ADAR: variants seen among roughly 807,000 people sequenced by gnomAD.
ADAR encodes double-stranded RNA-specific adenosine deaminase.
ADAR carries 41 observed loss-of-function variants against 113.2 expected under a neutral mutation model. That is an observed-to-expected ratio of 0.36 (90% CI 0.28 to 0.47). The LOEUF is 0.47. Among genes scored for constraint, ADAR ranks in the 20% least tolerant of loss-of-function variants. The probability of loss-of-function intolerance (pLI) is 1.00; values close to 1 mark genes in which losing one functional copy is unlikely to be tolerated. For missense variants in ADAR, 1,242 were observed against 1,540.9 expected (o/e 0.81, Z 3.25); for synonymous variants, 605 against 572.6 (o/e 1.06, Z -0.81).
upstream of ADAR, among the ~76,000 whole-genome samples, chr1:154,611,034 A>G (rs1404349828): frequency 2.0e-5 from 3 of 152,144 alleles, no homozygotes; most frequent in African/African-American, 7.2e-5. Context: ...ACAAATTTAA[A>G]AGGTAAAAAC....
chr1:154,598,539 C>T lies in ADAR; in HGVS notation c.1648G>A (p.Glu550Lys). 2 of 1,614,202 alleles carry T rather than the reference C, an allele frequency of 1.2e-6. No homozygotes were observed. Among genetic ancestry groups the T allele is most frequent in the Non-Finnish European group, 1.7e-6 (2 of 1,180,038 alleles). The change falls in exon 3 of 15, where the codon GAA (glutamate) becomes AAA (lysine). Residue 550 changes from glutamate to lysine, a missense_variant. Around this residue, in one of 2 missense-constraint regions of ADAR, gnomAD observed 780 missense variants for 1,057.9 expected, o/e 0.74. Transcript: ENST00000368474. ...VINGREFPPA[E>K]AGSKKVAKQD... ...TTGGCCACTTTCTTGCTTCCAGCTT[C>T]AGCTGGGGGAAACTCTCGGCCATTG...
chr1:154,598,654 C>T, intron 2 of ADAR, 69 bp from the exon 3 acceptor site: 2 of 1,547,426 alleles, frequency 1.3e-6, no homozygotes, highest in Non-Finnish European at 1.8e-6. Context: ...CCAAAGAGAC[C>T]TTCAACCTGG....
At chr1:154,622,404 T>C (rs1698812941) in intron 1 of ADAR, among the ~76,000 whole-genome samples, 1 of 152,184 alleles carries the variant, frequency 6.6e-6, no homozygotes, top group Non-Finnish European at 1.5e-5. Flanking sequence ...GAAAAAAGTT[T>C]TAAAGTTGAC....
intron 1 of ADAR, among the ~76,000 whole-genome samples, chr1:154,614,918 CTT>C: frequency 6.6e-6 from 1 of 152,270 alleles, no homozygotes; most frequent in African/African-American, 2.4e-5. Context: ...AAAAGTGTTT[CTT>C]TTAGTGTTGG....
chr1:154,597,210 G>A lies in ADAR; in HGVS notation c.1992C>T (p.Ser664=), dbSNP rs1697560915. ...AQTFPSVSAP[S]KKVAKQMAAE... is the part of the protein sequence containing the mutation. The stretch of plus-strand genomic sequence containing the variant: ...CGGCCATCTGCTTTGCCACTTTCTT[G>A]CTGGGAGCACTCACACTGGGGAAAG... The change falls in exon 5 of 15, where the codon AGC becomes AGT. Residue 664 remains serine (S), a synonymous_variant. Transcript: ENST00000368474. 2 of 1,613,970 alleles carry A rather than the reference G, an allele frequency of 1.2e-6. No individual in the cohort carries two copies. Among genetic ancestry groups the A allele is most frequent in the Non-Finnish European group, 1.7e-6 (2 of 1,180,016 alleles).
rs1698324146 is a variant in ADAR at position 154,608,108 on chromosome 1, C to A, written c.-102G>T. 7.1e-7 allele frequency: 1 copy of A among 1,414,192 alleles called. No individual in the cohort carries two copies. The highest frequency in any genetic ancestry group is 9.3e-7 in the Non-Finnish European group (1 of 1,077,456). 87.6% of individuals were successfully genotyped at this position (1,414,192 alleles called of 1,614,324 possible). ...TCGAGGCCCCCACGCCTCCGCTACT[C>A]CGCACTGGAAGTGGCCCCGGGGCGT... On this transcript the variant is annotated 5_prime_UTR_variant, in exon 1 of 15. Transcript: ENST00000368474.
chr1:154,585,500 A>T, intron 13 of ADAR, 156 bp from the exon 14 acceptor site: 1 of 1,041,844 alleles, frequency 9.6e-7, no homozygotes, highest in Non-Finnish European at 1.4e-6. Flanking sequence ...CACCCTCTAG[A>T]CATACTAACT....
At chr1:154,622,245 A>G (rs1698808994) in intron 1 of ADAR, among the ~76,000 whole-genome samples, 1 of 152,208 alleles carries the variant, frequency 6.6e-6, no homozygotes, top group Non-Finnish European at 1.5e-5. Context: ...GCAGTATGTT[A>G]TATTTACTAG....
rs1696565460 is a variant in ADAR, at chr1:154,583,871, T to C, written c.*935A>G. On this transcript the variant is annotated 3_prime_UTR_variant, in exon 15 of 15. Coordinates refer to ENST00000368474, the MANE Select transcript of ADAR (RefSeq NM_001111.5). ...ATGATTATCTGAGCAGAGATGATTT[T>C]ATACCCTCTAGGATTTGTCCCGTTG... 1 of 152,240 alleles carries C rather than the reference T, an allele frequency of 6.6e-6. No homozygotes were observed. The allele number at this position is 152,240 out of a possible 1,614,324, so 9.4% of individuals were successfully genotyped here.
intron 1 of ADAR, among the ~76,000 whole-genome samples, chr1:154,618,693 G>A (rs1698700734): frequency 6.6e-6 from 1 of 152,082 alleles, no homozygotes. Context: ...TTCAACAGAT[G>A]GAGCTGGGCC....
intron 1 of ADAR, among the ~76,000 whole-genome samples, chr1:154,618,391 T>C (rs536363300): frequency 6.6e-6 from 1 of 152,274 alleles, no homozygotes; most frequent in South Asian, 2.1e-4. Flanking sequence ...CTGCAAATAC[T>C]ATGAGGTTGG....
chr1:154,595,708 T>G (rs944906983), intron 6 of ADAR, among the ~76,000 whole-genome samples: 3 of 152,132 alleles, frequency 2.0e-5, no homozygotes, highest in African/African-American at 7.2e-5. Context: ...GGTTAATTTA[T>G]TAAAGAAAAA....
intron 1 of ADAR, among the ~76,000 whole-genome samples, chr1:154,606,853 T>G (rs1009666402): frequency 1.3e-5 from 2 of 151,966 alleles, no homozygotes; most frequent in East Asian, 3.9e-4. Flanking sequence ...ACCACACAGG[T>G]TCCACAGTGC....
chr1:154,622,747 A>G (rs1698826817), intron 1 of ADAR, among the ~76,000 whole-genome samples: 1 of 152,246 alleles, frequency 6.6e-6, no homozygotes, highest in African/African-American at 2.4e-5. Context: ...AAGTGTATCT[A>G]TCATGCAGAC....
In ADAR at chr1:154,606,275, G is replaced by A. The variant is rs1244174898; in HGVS notation, c.15+1717C>T. On this transcript the variant is annotated intron_variant, in intron 1 of 14. Coordinates refer to ENST00000368474, the MANE Select transcript of ADAR (RefSeq NM_001111.5). ...CAGGATGGTGTCGATCTCCTGATCC[G>A]CCCTCCTCGGCCTCCCAAAGTGCTG... Among the ~76,000 whole-genome samples, 5 of 152,110 alleles carry A rather than the reference G, an allele frequency of 3.3e-5. No homozygotes were observed. In the South Asian group the frequency reaches 6.2e-4, roughly 19 times the overall value.
In ADAR at chr1:154,582,758, AGAG is replaced by A. The variant is rs1263699743; in HGVS notation, c.*2045_*2047del. Reference sequence around the variant, plus strand: ...AGCAGGTGACAACCCTGTAGCCTGAAGAGGAGAGGGGCTGCGCTGCCTTCTGAT... The same window carrying A: ...AGCAGGTGACAACCCTGTAGCCTGAAGAGAGGGGCTGCGCTGCCTTCTGAT... On this transcript the variant is annotated 3_prime_UTR_variant, in exon 15 of 15. Coordinates refer to ENST00000368474, the MANE Select transcript of ADAR (RefSeq NM_001111.5). The A allele has an allele frequency of 6.6e-6, 1 of 152,294 alleles. No individual in the cohort carries two copies. Among genetic ancestry groups the A allele is most frequent in the Non-Finnish European group, 1.5e-5 (1 of 68,120 alleles). The allele number at this position is 152,294 out of a possible 1,614,324, so 9.4% of individuals were successfully genotyped here. A position where few individuals can be genotyped will look rare whatever the true frequency, so the allele number is the denominator to read the frequency against.
intron 7 of ADAR, 46 bp downstream of exon 7, chr1:154,590,138 A>AGGGGGGGGGGGGGGGGGGGG: frequency 1.7e-6 from 2 of 1,173,770 alleles, no homozygotes; most frequent in Admixed American, 1.8e-5. Context: ...AGGAGTTAGG[A>AGGGGGGGGGGGGGGGGGGGG]GGACCCCCCC....
chr1:154,597,269 T>C lies in ADAR; in HGVS notation c.1935-2A>G. On this transcript the variant is annotated splice_acceptor_variant, in intron 4 of 14. Coordinates refer to ENST00000368474, the MANE Select transcript of ADAR (RefSeq NM_001111.5). LOFTEE classifies it high-confidence loss of function. Reference sequence around the variant, plus strand: ...CCCACTGCAACACAGTATTGGAACCTGACAGGAGATGAAGCACGTAGAAGG... The same window carrying C: ...CCCACTGCAACACAGTATTGGAACCCGACAGGAGATGAAGCACGTAGAAGG... 6.2e-7 allele frequency: 1 copy of C among 1,614,178 alleles called. No individual in the cohort carries two copies.
Position 154,601,765 on chromosome 1 carries a change from A to C in ADAR, c.877T>G (p.Phe293Val). Residue 293 changes from phenylalanine (F) to valine (V), a missense_variant, in exon 2 of 15, where the codon TTT becomes GTT. Phe to Val is a conservative substitution (Grantham distance 50, BLOSUM62 -1). This residue lies in a region of ADAR where 462 missense variants were observed against 483.1 expected (regional missense o/e 0.96). Transcript: ENST00000368474. The surrounding 1 kb of genome is among the most constrained non-coding windows in gnomAD (Gnocchi z 4.7). Reference protein sequence around the residue: ...STSALEDPLEFLDMAEIKEKI... With the variant: ...STSALEDPLEVLDMAEIKEKI... ...TCCTTGATCTCGGCCATGTCTAAAAACTCAAGAGGATCTTCCAAGGCAGAT... is the reference window on the plus strand; with the variant it reads ...TCCTTGATCTCGGCCATGTCTAAAACCTCAAGAGGATCTTCCAAGGCAGAT... The C allele has an allele frequency of 6.2e-7, 1 of 1,613,908 alleles. No individual in the cohort carries two copies. Among genetic ancestry groups the C allele is most frequent in the Non-Finnish European group, 8.5e-7 (1 of 1,179,984 alleles).
Sources: gnomAD v4.1 joint callset for allele counts (sites outside exome capture counted in the v4.1 genomes callset) on GRCh38, gnomAD v4.1.1 for gene constraint, gnomAD v4.1.1 regional missense constraint, Gnocchi (gnomAD v3.1) non-coding constraint, MANE v1.5 for transcripts, NCBI Gene and HGNC (gene_info 2026-07-23, HGNC 2026-07-21) for gene names.